The following NR1D2 variants were observed in gnomAD, a reference collection of about 807,000 sequenced individuals.
The protein encoded by NR1D2 is V-erbA-related protein 1-related.
NR1D2 carries 25 observed loss-of-function variants against 52.2 expected under a neutral mutation model. The ratio of observed to expected loss-of-function variants is 0.48; its 90% confidence interval spans 0.35 to 0.67. The LOEUF (loss-of-function observed/expected upper bound fraction) is 0.67, where lower values mean the gene tolerates loss of function less well. NR1D2 is among the 30% of genes least tolerant of loss of function. NR1D2 has a pLI of 0.01. For missense variants in NR1D2, 681 were observed against 707.2 expected (o/e 0.96, Z 0.42); for synonymous variants, 259 against 230.1 (o/e 1.13, Z -1.14).
At chr3:23,945,953 C>T (rs1472762025) in intron 1 of NR1D2, among the ~76,000 whole-genome samples, 1 of 151,178 alleles carries the variant, frequency 6.6e-6, no homozygotes, top group Non-Finnish European at 1.5e-5. Flanking sequence ...GAGGCGGCGG[C>T]GGCGGGCGGG....
chr3:23,953,680 C>G (rs1224935740), intron 1 of NR1D2, among the ~76,000 whole-genome samples: 1 of 152,150 alleles, frequency 6.6e-6, no homozygotes, highest in African/African-American at 2.4e-5. Flanking sequence ...GGAGCAAGGG[C>G]TGTGAAACGA....
chr3:23,955,434 A>G (rs1326700340), intron 2 of NR1D2, among the ~76,000 whole-genome samples: 2 of 152,240 alleles, frequency 1.3e-5, no homozygotes, highest in Non-Finnish European at 2.9e-5. Flanking sequence ...AGGTCTGGAA[A>G]AAAAATAAAT....
Position 23,956,083 on chromosome 3 carries a change from G to A in NR1D2, c.330G>A (p.Ala110=), listed in dbSNP as rs144648705. 54 of 1,613,930 alleles carry A rather than the reference G, an allele frequency of 3.3e-5. No individual in the cohort carries two copies. In the East Asian group the frequency reaches 7.6e-4, roughly 23 times the overall value. Residue 110 remains alanine, a synonymous_variant, in exon 3 of 8, where the codon GCG becomes GCA. Coordinates refer to ENST00000312521, the MANE Select transcript of NR1D2 (RefSeq NM_005126.5). The part of the protein sequence containing the change: ...VLLCKVCGDV[A]SGFHYGVHAC... ...TGTGTAAAGTCTGTGGGGATGTGGC[G>A]TCAGGATTCCACTATGGAGTTCATG...
chr3:23,946,677 A>G (rs1476732645), intron 1 of NR1D2: 2 of 152,220 alleles, frequency 1.3e-5, no homozygotes, highest in South Asian at 2.1e-4. Flanking sequence ...CTCCAACACC[A>G]TATGTAAGAC....
intron 1 of NR1D2, among the ~76,000 whole-genome samples, chr3:23,947,574 A>G (rs1015477400): frequency 3.1e-4 from 47 of 152,222 alleles, no homozygotes; most frequent in African/African-American, 9.9e-4. Context: ...CAGGCTTAGT[A>G]TTTTTGGCAT....
chr3:23,975,749 C>T (rs1276974083), intron 7 of NR1D2, among the ~76,000 whole-genome samples: 1 of 152,080 alleles, frequency 6.6e-6, no homozygotes, highest in Non-Finnish European at 1.5e-5. Context: ...CAGAGTGAAA[C>T]TCCATCTCAA....
intron 4 of NR1D2, among the ~76,000 whole-genome samples, chr3:23,960,182 G>A (rs1234357070): frequency 2.6e-5 from 4 of 152,138 alleles, no homozygotes; most frequent in Non-Finnish European, 4.4e-5. Flanking sequence ...GCTGAGGTGT[G>A]TGGGTCACTT....
At chr3:23,952,547 T>C (rs977180856) in intron 1 of NR1D2, among the ~76,000 whole-genome samples, 6 of 144,268 alleles carry the variant, frequency 4.2e-5, no homozygotes, top group Admixed American at 1.4e-4. Flanking sequence ...CTGTCTCTAC[T>C]AAAAAAAAAA....
chr3:23,970,487 A>T (rs1302003597), intron 7 of NR1D2, among the ~76,000 whole-genome samples: 1 of 152,354 alleles, frequency 6.6e-6, no homozygotes, highest in South Asian at 2.1e-4. Context: ...AAAGGTTATA[A>T]TATCACTACC....
At chr3:23,969,303 AAAC>A (rs893859854) in intron 7 of NR1D2, among the ~76,000 whole-genome samples, 19 of 151,968 alleles carry the variant, frequency 1.3e-4, no homozygotes, top group African/African-American at 4.6e-4. Context: ...ACAAAAACAA[AAAC>A]AACAAAAAAA....
rs1196350915 is a variant in NR1D2, at chr3:23,978,868, G to A, written c.*1449G>A. ...AGACATTTTATCCACATTTCTAATA[G>A]TGGACTTGATTAAGTAGATAAGATC... is the stretch of plus-strand genomic sequence containing the variant. On this transcript the variant is annotated 3_prime_UTR_variant, in exon 8 of 8. Coordinates refer to ENST00000312521, the MANE Select transcript of NR1D2 (RefSeq NM_005126.5). The A allele has an allele frequency of 2.6e-5, 4 of 152,056 alleles. No homozygotes were observed. The highest frequency in any genetic ancestry group is 4.4e-5 in the Non-Finnish European group (3 of 67,966). 9.4% of individuals were successfully genotyped at this position (152,056 alleles called of 1,614,324 possible). A position where few individuals can be genotyped will look rare whatever the true frequency, so the allele number is the denominator to read the frequency against.
intron 6 of NR1D2, among the ~76,000 whole-genome samples, chr3:23,967,570 C>G (rs1409075999): frequency 6.6e-6 from 1 of 152,160 alleles, no homozygotes; most frequent in Non-Finnish European, 1.5e-5. Flanking sequence ...GAGCCAAGAT[C>G]ATGCCATTGC....
intron 1 of NR1D2, among the ~76,000 whole-genome samples, chr3:23,951,489 C>T (rs1705931670): frequency 6.6e-6 from 1 of 152,196 alleles, no homozygotes; most frequent in African/African-American, 2.4e-5. Flanking sequence ...GAAAAAGTAG[C>T]AGTGTGCTAA....
At position 23,945,425 on chromosome 3, in the gene NR1D2, G is replaced by T; in HGVS notation, c.-154G>T. Reference sequence around the variant, plus strand: ...GCTGCAGCCTGCTGTGCGCTGCACGGCCTGGGGCCCGGGAGCCCCGCCCGC... The same window carrying T: ...GCTGCAGCCTGCTGTGCGCTGCACGTCCTGGGGCCCGGGAGCCCCGCCCGC... On this transcript the variant is annotated 5_prime_UTR_variant, in exon 1 of 8. Coordinates refer to ENST00000312521, the MANE Select transcript of NR1D2 (RefSeq NM_005126.5). 8.6e-6 allele frequency: 2 copies of T among 231,512 alleles called. No individual in the cohort carries two copies. Among genetic ancestry groups the T allele is most frequent in the Non-Finnish European group, 1.5e-5 (2 of 133,204 alleles). The allele number at this position is 231,512 out of a possible 1,614,324, so 14.3% of individuals were successfully genotyped here.
chr3:23,947,800 A>T (rs1135452), intron 1 of NR1D2, among the ~76,000 whole-genome samples: 65,315 of 151,636 alleles, frequency 0.43, 15,943 homozygotes, highest in African/African-American at 0.67. Context: ...GCTATCTATC[A>T]GTAAGCAGGA....
At position 23,954,816 on chromosome 3, in the gene NR1D2, G is replaced by A. The variant is rs1196017354; in HGVS notation, c.283+13G>A. ...AGTGGTGTGACAAGTAAGTTACTTTGGTTTTCTAAAGATTGCTGCCATTAA... is the reference window on the plus strand; with the variant it reads ...AGTGGTGTGACAAGTAAGTTACTTTAGTTTTCTAAAGATTGCTGCCATTAA... On this transcript the variant is annotated intron_variant, in intron 2 of 7. Coordinates refer to ENST00000312521, the MANE Select transcript of NR1D2 (RefSeq NM_005126.5). 9 of 1,607,120 alleles carry A rather than the reference G, an allele frequency of 5.6e-6. No homozygotes were observed. Among genetic ancestry groups the A allele is most frequent in the Admixed American group, 1.7e-5 (1 of 59,770 alleles).
At position 23,953,425 on chromosome 3, in the gene NR1D2, G is replaced by A. The variant is rs79586188; in HGVS notation, c.17-1112G>A. On this transcript the variant is annotated intron_variant, in intron 1 of 7. Transcript: ENST00000312521. ...TATATAAAATTGGGAATCACATTTT[G>A]ACAATAGCTCTGTGTAGAGGGAATT... 3.8e-3 allele frequency among the ~76,000 whole-genome samples: 564 copies of A among 147,888 alleles called. 6 individuals carry two copies. Among genetic ancestry groups the A allele is most frequent in the African/African-American group, 0.013 (524 of 40,344 alleles).
At position 23,956,373 on chromosome 3, in the gene NR1D2, T is replaced by C. The variant is rs1412199774; in HGVS notation, c.372+248T>C. ...AATTTGCTATCTCAATTAAACATACTTATTGTGTTAAACCAAGTGCACCAA... is the reference window on the plus strand; with the variant it reads ...AATTTGCTATCTCAATTAAACATACCTATTGTGTTAAACCAAGTGCACCAA... On this transcript the variant is annotated intron_variant, in intron 3 of 7. Transcript: ENST00000312521. Among the ~76,000 whole-genome samples, 16 of 152,258 alleles carry C rather than the reference T, an allele frequency of 1.1e-4. 1 individual carries two copies.
At chr3:23,970,690 T>C (rs958573150) in intron 7 of NR1D2, among the ~76,000 whole-genome samples, 1 of 152,234 alleles carries the variant, frequency 6.6e-6, no homozygotes, top group Non-Finnish European at 1.5e-5. Flanking sequence ...TATGAACATA[T>C]ACAAGTACAC....
Sources: gnomAD v4.1 joint callset for allele counts (sites outside exome capture counted in the v4.1 genomes callset) on GRCh38, gnomAD v4.1.1 for gene constraint, MANE v1.5 for transcripts, NCBI Gene and HGNC (gene_info 2026-07-23, HGNC 2026-07-21) for gene names.